The following TMEM260 variants were observed in gnomAD, a reference collection of about 807,000 sequenced individuals.
TMEM260 encodes the protein protein O-mannosyl-transferase TMEM260.
TMEM260 carries 82 observed loss-of-function variants against 88.9 expected under a neutral mutation model. That is an observed-to-expected ratio of 0.92 (90% CI 0.77 to 1.11). The LOEUF is 1.11. TMEM260 is among the 50% of genes least tolerant of loss of function. The pLI is 0.00. For missense variants in TMEM260, 902 were observed against 853.4 expected (o/e 1.06, Z -0.71); for synonymous variants, 314 against 309.3 (o/e 1.02, Z -0.16).
intron 12 of TMEM260, among the ~76,000 whole-genome samples, chr14:56,627,671 GA>G (rs1324742628): frequency 1.3e-5 from 2 of 152,206 alleles, no homozygotes; most frequent in Non-Finnish European, 2.9e-5. Flanking sequence ...CCCCCAAAGG[GA>G]TGGACCATCA....
At chr14:56,619,750 A>G (rs1021618582) in intron 10 of TMEM260, among the ~76,000 whole-genome samples, 3 of 152,196 alleles carry the variant, frequency 2.0e-5, no homozygotes, top group African/African-American at 7.2e-5. Context: ...TTAAAAACCA[A>G]TGTTCTTACC....
intron 14 of TMEM260, among the ~76,000 whole-genome samples, chr14:56,635,289 G>T (rs577581121): frequency 2.0e-5 from 3 of 152,142 alleles, no homozygotes; most frequent in African/African-American, 7.2e-5. Flanking sequence ...GAGTGTAATC[G>T]ATTGAGTAGA....
chr14:56,628,563 CTT>C (rs1888379879), intron 12 of TMEM260, among the ~76,000 whole-genome samples: 1 of 152,112 alleles, frequency 6.6e-6, no homozygotes, highest in South Asian at 2.1e-4. Flanking sequence ...TCCTTATACT[CTT>C]TGCTACAAAG....
intron 14 of TMEM260, among the ~76,000 whole-genome samples, 156 bp downstream of exon 14, chr14:56,635,108 C>T (rs1405307863): frequency 6.6e-6 from 1 of 152,152 alleles, no homozygotes; most frequent in Non-Finnish European, 1.5e-5. Flanking sequence ...AATCATTATA[C>T]ATGAATATTT....
At chr14:56,618,372 A>T (rs999067603) in intron 9 of TMEM260, among the ~76,000 whole-genome samples, 1 of 152,226 alleles carries the variant, frequency 6.6e-6, no homozygotes, top group Non-Finnish European at 1.5e-5. Context: ...GAATGTGTGG[A>T]TCTGAAAAGG....
intron 3 of TMEM260, among the ~76,000 whole-genome samples, chr14:56,587,732 C>T (rs562137308): frequency 3.4e-4 from 51 of 152,152 alleles, no homozygotes; most frequent in African/African-American, 1.2e-3. Context: ...TATGAAAATA[C>T]TTCATTATTT....
intron 3 of TMEM260, among the ~76,000 whole-genome samples, chr14:56,599,469 T>C (rs917214228): frequency 2.0e-5 from 3 of 152,220 alleles, no homozygotes; most frequent in Non-Finnish European, 4.4e-5. Context: ...TGTATCCTTC[T>C]TGAGCTGTGG....
chr14:56,603,723 A>G lies in TMEM260; in HGVS notation c.345-92A>G, dbSNP rs1042956120. The G allele has an allele frequency of 2.2e-5, 30 of 1,376,882 alleles. No homozygotes were observed. The Admixed American group carries it at 4.0e-4, about 18-fold the overall frequency. 85.3% of individuals were successfully genotyped at this position (1,376,882 alleles called of 1,614,324 possible). Reference sequence around the variant, plus strand: ...TGTGTTGGAGTAGTGCTGGGTGACTATCATAATTTCTGCTGGTACAGTTTA... The same window carrying G: ...TGTGTTGGAGTAGTGCTGGGTGACTGTCATAATTTCTGCTGGTACAGTTTA... On this transcript the variant is annotated intron_variant, in intron 3 of 15. Transcript: ENST00000261556.
At chr14:56,609,548 G>A (rs961525606) in intron 6 of TMEM260, among the ~76,000 whole-genome samples, 3 of 152,050 alleles carry the variant, frequency 2.0e-5, no homozygotes, top group Non-Finnish European at 4.4e-5. Flanking sequence ...TCCACCTACA[G>A]TCGAAACATT....
intron 3 of TMEM260, among the ~76,000 whole-genome samples, chr14:56,594,605 T>G (rs1436882176): frequency 6.6e-6 from 1 of 152,214 alleles, no homozygotes; most frequent in Non-Finnish European, 1.5e-5. Flanking sequence ...ATGACAATGG[T>G]TTGTCTGTCT....
In TMEM260 at chr14:56,615,982, A is replaced by G; in HGVS notation, c.896A>G (p.Asn299Ser). 6.2e-7 allele frequency: 1 copy of G among 1,613,474 alleles called. No individual in the cohort carries two copies. The highest frequency in any genetic ancestry group is 1.1e-5 in the South Asian group (1 of 91,044). ...VTNMRTELSF[N>S]IQALAVCANI... is the part of the protein sequence containing the mutation. Reference sequence around the variant, plus strand: ...AATATGAGGACCGAACTCTCATTCAACATCCAAGCCCTTGCAGTTTGTGCA... The same window carrying G: ...AATATGAGGACCGAACTCTCATTCAGCATCCAAGCCCTTGCAGTTTGTGCA... The change falls in exon 8 of 16, where the codon AAC (asparagine) becomes AGC (serine). Residue 299 changes from asparagine to serine, a missense_variant. Physicochemically the swap from Asn to Ser is conservative, Grantham distance 46. Transcript: ENST00000261556.
At chr14:56,584,908 G>T (rs761675418) in intron 1 of TMEM260, 93 bp from the exon 2 acceptor site, 11 of 987,860 alleles carry the variant, frequency 1.1e-5, no homozygotes, top group Non-Finnish European at 1.7e-5. Flanking sequence ...TCAAATTAAT[G>T]CAAAACCCCA....
chr14:56,600,564 T>A (rs1446281564), intron 3 of TMEM260, among the ~76,000 whole-genome samples: 1 of 152,052 alleles, frequency 6.6e-6, no homozygotes, highest in Non-Finnish European at 1.5e-5. Flanking sequence ...AAATGGCCAA[T>A]AAACACAGAA....
downstream of TMEM260, among the ~76,000 whole-genome samples, chr14:56,655,370 G>C (rs906280347): frequency 3.4e-4 from 50 of 147,164 alleles, no homozygotes; most frequent in African/African-American, 1.2e-3. Flanking sequence ...CTGGGCAACC[G>C]AGCAAGACTC....
At position 56,636,516 on chromosome 14, in the gene TMEM260, C is replaced by T; in HGVS notation, c.1787C>T (p.Thr596Ile). ...NEEMWQARMK[T>I]PFFIFNLAET... ...CCTATCCCCACCCCCAGGATGAAAA[C>T]ACCGTTCTTCATCTTTAACCTGGCA... The change falls in exon 15 of 16, where the codon ACA becomes ATA. Residue 596 changes from threonine to isoleucine, a missense_variant. By Grantham distance (89) the Thr-to-Ile change is moderately conservative. Transcript: ENST00000261556. 1 of 1,613,832 alleles carries T rather than the reference C, an allele frequency of 6.2e-7. No individual in the cohort carries two copies. The highest frequency in any genetic ancestry group is 8.5e-7 in the Non-Finnish European group (1 of 1,179,856).
chr14:56,620,668 A>G (rs1395626494), intron 10 of TMEM260, among the ~76,000 whole-genome samples: 2 of 152,180 alleles, frequency 1.3e-5, no homozygotes, highest in African/African-American at 2.4e-5. Context: ...TTTTACATCA[A>G]TTACAAAGGC....
rs981942084 is a variant in TMEM260, at chr14:56,632,893, C to T, written c.1548-102C>T. 12 of 1,123,538 alleles carry T rather than the reference C, an allele frequency of 1.1e-5. No homozygotes were observed. The African/African-American group carries it at 1.9e-4, about 18-fold the overall frequency. The allele number at this position is 1,123,538 out of a possible 1,614,324, so 69.6% of individuals were successfully genotyped here. On this transcript the variant is annotated intron_variant, in intron 12 of 15. Coordinates refer to ENST00000261556, the MANE Select transcript of TMEM260 (RefSeq NM_017799.4). The stretch of plus-strand genomic sequence containing the variant: ...TTTTCCAAAATCATATAGGTAATAA[C>T]TGTTGGGAAAAAATCTAAAAATGAT...
At chr14:56,614,026 A>T (rs1887447958) in intron 7 of TMEM260, 1 of 151,648 alleles carries the variant, frequency 6.6e-6, no homozygotes, top group Non-Finnish European at 1.5e-5. Context: ...CTTCCACCTC[A>T]GCCTCCTGAG....
downstream of TMEM260, chr14:56,650,149 T>C (rs527918645): frequency 1.3e-4 from 58 of 447,052 alleles, no homozygotes; most frequent in Non-Finnish European, 2.3e-4. Flanking sequence ...GTAATGGAGG[T>C]GACTTCTCAT....
Sources: gnomAD v4.1 joint callset for allele counts (sites outside exome capture counted in the v4.1 genomes callset) on GRCh38, gnomAD v4.1.1 for gene constraint, MANE v1.5 for transcripts, NCBI Gene and HGNC (gene_info 2026-07-23, HGNC 2026-07-21) for gene names.